UTRN: variants seen among roughly 807,000 people sequenced by gnomAD.
The protein encoded by UTRN is dystrophin-related protein 1.
In UTRN, 283 loss-of-function variants were observed where a neutral mutation model predicts 463.9. That is an observed-to-expected ratio of 0.61 (90% CI 0.55 to 0.67). The LOEUF is 0.67. Ranked by LOEUF, UTRN falls within the 30% of genes least tolerant of loss-of-function variation. The probability of loss-of-function intolerance (pLI) is 0.00; values close to 1 mark genes in which losing one functional copy is unlikely to be tolerated. For missense variants in UTRN, 3,922 were observed against 4,084.3 expected (o/e 0.96, Z 1.08); for synonymous variants, 1,442 against 1,431.5 (o/e 1.01, Z -0.17).
chr6:144,775,264 G>C (rs1250451385), intron 60 of UTRN, among the ~76,000 whole-genome samples: 1 of 152,136 alleles, frequency 6.6e-6, no homozygotes, highest in African/African-American at 2.4e-5. Context: ...TAAGCTGGCT[G>C]CACGAAGAAT....
intron 27 of UTRN, 87 bp from the exon 28 acceptor site, chr6:144,485,297 AT>A (rs1378124999): frequency 6.5e-7 from 1 of 1,533,448 alleles, no homozygotes; most frequent in East Asian, 2.3e-5. Context: ...TCCAAATGAA[AT>A]TATTAGCGAT....
chr6:144,717,574 G>T (rs1786608579), intron 53 of UTRN, among the ~76,000 whole-genome samples: 1 of 149,430 alleles, frequency 6.7e-6, no homozygotes, highest in African/African-American at 2.5e-5. Flanking sequence ...AAATATTTTG[G>T]CTTTATCTTG....
At chr6:144,514,253 G>A (rs73781905) in intron 36 of UTRN, among the ~76,000 whole-genome samples, 2,585 of 152,244 alleles carry the variant, frequency 0.017, 89 homozygotes, top group African/African-American at 0.059. Flanking sequence ...ACAATCAACC[G>A]GAGTAAGACC....
chr6:144,393,461 T>C (rs1399679250), intron 2 of UTRN, among the ~76,000 whole-genome samples: 1 of 152,162 alleles, frequency 6.6e-6, no homozygotes, highest in Non-Finnish European at 1.5e-5. Flanking sequence ...TAAAGTATAT[T>C]ATAGACATTA....
intron 11 of UTRN, among the ~76,000 whole-genome samples, chr6:144,437,976 G>A (rs949367605): frequency 5.3e-5 from 8 of 152,144 alleles, no homozygotes; most frequent in African/African-American, 1.9e-4. Flanking sequence ...TTAACAAAAA[G>A]GAAAAAGAGG....
At chr6:144,298,745 A>C (rs144691275) in intron 2 of UTRN, among the ~76,000 whole-genome samples, 9 of 152,348 alleles carry the variant, frequency 5.9e-5, no homozygotes, top group African/African-American at 2.2e-4. Flanking sequence ...ATTATGGAAC[A>C]AAATCTTTTT....
At chr6:144,626,839 C>T (rs1049765736) in intron 51 of UTRN, among the ~76,000 whole-genome samples, 2 of 152,072 alleles carry the variant, frequency 1.3e-5, no homozygotes, top group Non-Finnish European at 2.9e-5. Context: ...GGCGTTTCAC[C>T]GTGTTGGCCA....
At chr6:144,825,683 T>C (rs548645820) in intron 66 of UTRN, among the ~76,000 whole-genome samples, 1 of 152,258 alleles carries the variant, frequency 6.6e-6, no homozygotes, top group African/African-American at 2.4e-5. Context: ...TTTCTTCTAT[T>C]TGAAGTTCGT....
chr6:144,640,946 T>C (rs1777700946), intron 51 of UTRN, among the ~76,000 whole-genome samples: 1 of 152,184 alleles, frequency 6.6e-6, no homozygotes, highest in Non-Finnish European at 1.5e-5. Flanking sequence ...AAATAAAAGA[T>C]TTTTTTCCTT....
chr6:144,363,651 C>T (rs1336213634), intron 2 of UTRN, among the ~76,000 whole-genome samples: 1 of 151,926 alleles, frequency 6.6e-6, no homozygotes, highest in Non-Finnish European at 1.5e-5. Context: ...ATCATATAGG[C>T]GTGTATATAT....
chr6:144,832,488 G>A (rs955132618), intron 69 of UTRN, among the ~76,000 whole-genome samples: 8 of 152,100 alleles, frequency 5.3e-5, no homozygotes, highest in African/African-American at 1.7e-4. Flanking sequence ...GTTTCACTAT[G>A]GATAGTCAGT....
At chr6:144,754,412 C>A (rs144227340) in intron 56 of UTRN, among the ~76,000 whole-genome samples, 1 of 152,038 alleles carries the variant, frequency 6.6e-6, no homozygotes. Flanking sequence ...GTTTCTTAAT[C>A]TGTAAGATGA....
At chr6:144,305,795 C>T (rs1034215117) in intron 2 of UTRN, among the ~76,000 whole-genome samples, 2 of 152,170 alleles carry the variant, frequency 1.3e-5, no homozygotes, top group Non-Finnish European at 2.9e-5. Flanking sequence ...AAAATCTGGG[C>T]AAGGTAACTT....
At position 144,448,610 on chromosome 6, in the gene UTRN, C is replaced by T. The variant is rs1369013940; in HGVS notation, c.1913C>T (p.Ala638Val). The T allele has an allele frequency of 1.2e-6, 2 of 1,613,532 alleles. No individual in the cohort carries two copies. Among genetic ancestry groups the T allele is most frequent in the Non-Finnish European group, 1.7e-6 (2 of 1,179,746 alleles). The change falls in exon 17 of 75, where the codon GCT (alanine) becomes GTT (valine). Residue 638 changes from alanine (A) to valine (V), a missense_variant. Ala to Val is a moderately conservative substitution (Grantham distance 64). Coordinates refer to ENST00000367545, the MANE Select transcript of UTRN (RefSeq NM_007124.3). Reference protein sequence around the residue: ...LEDSSNQVTQAVAKLGMSQIP... With the variant: ...LEDSSNQVTQVVAKLGMSQIP... ...TGGCTTTTATTTCAGGTGACTCAGG[C>T]TGTAGCAAAGCTGGGGATGTCTCAG...
chr6:144,430,093 G>GA (rs1785659743), intron 9 of UTRN, among the ~76,000 whole-genome samples: 2 of 151,802 alleles, frequency 1.3e-5, no homozygotes, highest in Admixed American at 1.3e-4. Flanking sequence ...TATCAGCCTA[G>GA]TTTTTTTTCT....
rs572058288 is a variant in UTRN, at chr6:144,292,723, A to T, written c.79+816A>T. ...ACAGAACTCCACCCTGAGTGTGAAC[A>T]CTATACTTAAGTAACTTTGAAAAGT... On this transcript the variant is annotated intron_variant, in intron 2 of 74. Transcript: ENST00000367545. 2.5e-4 allele frequency among the ~76,000 whole-genome samples: 38 copies of T among 152,348 alleles called. No homozygotes were observed. The South Asian group carries it at 7.9e-3, about 32-fold the overall frequency.
At chr6:144,482,134 A>C (rs1791949873) in intron 26 of UTRN, 75 bp from the exon 27 acceptor site, 1 of 1,337,526 alleles carries the variant, frequency 7.5e-7, no homozygotes, top group Non-Finnish European at 9.8e-7. Context: ...ATTCTTGAAA[A>C]AAAAAGAAAG....
At chr6:144,752,193 A>C (rs1225941815) in intron 56 of UTRN, among the ~76,000 whole-genome samples, 1 of 152,230 alleles carries the variant, frequency 6.6e-6, no homozygotes, top group Non-Finnish European at 1.5e-5. Context: ...AGAAAATTGC[A>C]AAAGGTTAAA....
At chr6:144,772,069 T>G in intron 59 of UTRN, 101 bp downstream of exon 59, 1 of 789,436 alleles carries the variant, frequency 1.3e-6, no homozygotes, top group East Asian at 3.5e-5. Flanking sequence ...GGATTCTCGC[T>G]GTTGCCCAGG....
Sources: gnomAD v4.1 joint callset for allele counts (sites outside exome capture counted in the v4.1 genomes callset) on GRCh38, gnomAD v4.1.1 for gene constraint, MANE v1.5 for transcripts, NCBI Gene and HGNC (gene_info 2026-07-23, HGNC 2026-07-21) for gene names.